OSBP2: variants seen among roughly 807,000 people sequenced by gnomAD.
OSBP2 encodes oxysterol-binding protein 2.
In OSBP2, 66 loss-of-function variants were observed where a neutral mutation model predicts 96.0. That is an observed-to-expected ratio of 0.69 (90% CI 0.56 to 0.84). The LOEUF (loss-of-function observed/expected upper bound fraction) is 0.84, where lower values mean the gene tolerates loss of function less well. Ranked by LOEUF, OSBP2 falls within the 40% of genes least tolerant of loss-of-function variation. The pLI is 0.00. For synonymous variants in OSBP2, 525 were observed against 520.9 expected, an observed-to-expected ratio of 1.01 and a Z score of -0.11; for missense variants, 1,038 against 1,222.7, an observed-to-expected ratio of 0.85 and a Z score of 2.25.
chr22:30,722,739 TTCTCTTTCTC>T (rs2089572391), intron 1 of OSBP2, among the ~76,000 whole-genome samples: 1 of 150,718 alleles, frequency 6.6e-6, no homozygotes, highest in African/African-American at 2.4e-5. Flanking sequence ...TTCTCCTTCC[TTCTCTTTCTC>T]TCTCTTTCTT....
intron 2 of OSBP2, among the ~76,000 whole-genome samples, chr22:30,837,275 A>AAAAG (rs1274409724): frequency 6.6e-6 from 1 of 151,826 alleles, no homozygotes; most frequent in African/African-American, 2.4e-5. Context: ...AAAAAAAAAA[A>AAAAG]AAAGAAAGAA....
At position 30,833,184 on chromosome 22, in the gene OSBP2, G is replaced by A. The variant is rs563337029; in HGVS notation, c.854-37245G>A. On this transcript the variant is annotated intron_variant, in intron 2 of 13. Coordinates refer to ENST00000332585, the MANE Select transcript of OSBP2 (RefSeq NM_030758.4). ...CCTATGGTACAGACAAGGAAACTGAGGCCTAGAAACACACAACTGTACAGC... is the reference window on the plus strand; with the variant it reads ...CCTATGGTACAGACAAGGAAACTGAAGCCTAGAAACACACAACTGTACAGC... Among the ~76,000 whole-genome samples, 13 of 152,270 alleles carry A rather than the reference G, an allele frequency of 8.5e-5. No homozygotes were observed. The South Asian group carries it at 2.5e-3, about 29-fold the overall frequency.
rs543524064 is a variant in OSBP2, at chr22:30,797,998, G to A, written c.853+56629G>A. Reference sequence around the variant, plus strand: ...ATAATAATCCTATTTTTAATATTTTGAGGAACCTCCACCCTATTTTCCACA... The same window carrying A: ...ATAATAATCCTATTTTTAATATTTTAAGGAACCTCCACCCTATTTTCCACA... On this transcript the variant is annotated intron_variant, in intron 2 of 13. Coordinates refer to ENST00000332585, the MANE Select transcript of OSBP2 (RefSeq NM_030758.4). 7.2e-5 allele frequency among the ~76,000 whole-genome samples: 11 copies of A among 152,228 alleles called. 1 individual carries two copies. In the South Asian group the frequency reaches 2.1e-3, roughly 29 times the overall value.
chr22:30,775,789 T>G (rs909886330), intron 2 of OSBP2, among the ~76,000 whole-genome samples: 16 of 152,020 alleles, frequency 1.1e-4, no homozygotes, highest in African/African-American at 1.7e-4. Flanking sequence ...AAGATTTTTT[T>G]GGGGGGGAGG....
intron 2 of OSBP2, among the ~76,000 whole-genome samples, chr22:30,761,548 A>C: frequency 6.6e-6 from 1 of 152,214 alleles, no homozygotes; most frequent in Non-Finnish European, 1.5e-5. Flanking sequence ...TTCCAAAAAA[A>C]ATCCCAGCAG....
chr22:30,738,617 A>G (rs1034758543), intron 1 of OSBP2, among the ~76,000 whole-genome samples: 1 of 151,800 alleles, frequency 6.6e-6, no homozygotes, highest in Non-Finnish European at 1.5e-5. Context: ...CTGGAGTGCA[A>G]TGGTGCAATC....
At chr22:30,761,518 G>A (rs375376931) in intron 2 of OSBP2, among the ~76,000 whole-genome samples, 1 of 152,172 alleles carries the variant, frequency 6.6e-6, no homozygotes, top group East Asian at 1.9e-4. Context: ...TCCCTTGACT[G>A]ATCAGTAGCT....
intron 1 of OSBP2, 96 bp downstream of exon 1, chr22:30,695,649 A>C (rs1413315988): frequency 6.6e-7 from 1 of 1,518,238 alleles, no homozygotes; most frequent in Non-Finnish European, 8.8e-7. Flanking sequence ...CACTGCCACT[A>C]GTCTAGAGAT....
intron 2 of OSBP2, among the ~76,000 whole-genome samples, chr22:30,785,167 T>G (rs2145815256): frequency 6.6e-6 from 1 of 152,198 alleles, no homozygotes; most frequent in East Asian, 1.9e-4. Context: ...AATACCTCAT[T>G]GGGATTTTGT....
At chr22:30,802,735 C>T (rs1410981829) in intron 2 of OSBP2, among the ~76,000 whole-genome samples, 2 of 152,256 alleles carry the variant, frequency 1.3e-5, no homozygotes, top group African/African-American at 4.8e-5. Context: ...GATCGGTGGC[C>T]TCGCGCGGCT....
chr22:30,731,907 A>G (rs1357157257), intron 1 of OSBP2, among the ~76,000 whole-genome samples: 1 of 151,050 alleles, frequency 6.6e-6, no homozygotes, highest in African/African-American at 2.4e-5. Context: ...GACCCTCTCC[A>G]CTCTCCGCCA....
At chr22:30,799,517 G>A (rs769489039) in intron 2 of OSBP2, among the ~76,000 whole-genome samples, 7 of 152,244 alleles carry the variant, frequency 4.6e-5, no homozygotes, top group Admixed American at 2.0e-4. Context: ...TACAGATGAG[G>A]AAACTGAGGC....
chr22:30,701,813 T>C (rs765587689), intron 1 of OSBP2, among the ~76,000 whole-genome samples: 18 of 152,170 alleles, frequency 1.2e-4, no homozygotes, highest in Non-Finnish European at 1.9e-4. Context: ...TAATTTGAAA[T>C]TATTATTCAT....
chr22:30,859,699 G>A (rs2039169314), intron 2 of OSBP2, among the ~76,000 whole-genome samples: 1 of 152,256 alleles, frequency 6.6e-6, no homozygotes, highest in Non-Finnish European at 1.5e-5. Flanking sequence ...CCGCTAACAA[G>A]GAACCAAATC....
At chr22:30,729,640 A>C (rs190938065) in intron 1 of OSBP2, among the ~76,000 whole-genome samples, 2 of 151,364 alleles carry the variant, frequency 1.3e-5, no homozygotes, top group African/African-American at 4.8e-5. Flanking sequence ...TCTATCTCAA[A>C]ATATATATAT....
intron 12 of OSBP2, among the ~76,000 whole-genome samples, chr22:30,896,218 C>T (rs2040064417): frequency 6.6e-6 from 1 of 151,942 alleles, no homozygotes. Flanking sequence ...CGGGGTTTCA[C>T]CATGTTGGCC....
chr22:30,767,811 G>A (rs1022653984), intron 2 of OSBP2, among the ~76,000 whole-genome samples: 4 of 152,184 alleles, frequency 2.6e-5, no homozygotes, highest in Non-Finnish European at 4.4e-5. Context: ...CAAGGAAGGA[G>A]GGCTGGGCGT....
intron 3 of OSBP2, among the ~76,000 whole-genome samples, chr22:30,884,778 A>C (rs1225852645): frequency 2.0e-5 from 3 of 152,150 alleles, no homozygotes; most frequent in Non-Finnish European, 4.4e-5. Context: ...AGGCCGCCTC[A>C]GGACACCCCC....
chr22:30,857,942 G>A (rs2039111697), intron 2 of OSBP2, among the ~76,000 whole-genome samples: 1 of 152,130 alleles, frequency 6.6e-6, no homozygotes, highest in East Asian at 1.9e-4. Flanking sequence ...AGTAAATGTC[G>A]CTGAAGGGCC....
Sources: allele counts gnomAD v4.1 joint callset (sites outside exome capture counted in the v4.1 genomes callset), GRCh38; gene constraint gnomAD v4.1.1; transcripts MANE v1.5; gene names NCBI Gene and HGNC (gene_info 2026-07-23, HGNC 2026-07-21).